Variants in MGMT observed in about 807,000 individuals in gnomAD.
MGMT encodes methylated-DNA--protein-cysteine methyltransferase.
In MGMT, 14 loss-of-function variants were observed where a neutral mutation model predicts 15.9. That is an observed-to-expected ratio of 0.88 (90% CI 0.58 to 1.37). The LOEUF (loss-of-function observed/expected upper bound fraction) is 1.37, where lower values mean the gene tolerates loss of function less well. MGMT is among the 40% of genes most tolerant of loss of function. The probability of loss-of-function intolerance (pLI) is 0.00; values close to 1 mark genes in which losing one functional copy is unlikely to be tolerated. For missense variants in MGMT, 282 were observed against 268.1 expected (o/e 1.05, Z -0.36); for synonymous variants, 130 against 118.2 (o/e 1.10, Z -0.65).
intron 2 of MGMT, among the ~76,000 whole-genome samples, chr10:129,678,355 G>A (rs1847809238): frequency 2.0e-5 from 3 of 152,008 alleles, no homozygotes. Context: ...CCGCTGCCCT[G>A]GCTGGGTTTC....
At chr10:129,644,566 G>A (rs1462387140) in intron 2 of MGMT, among the ~76,000 whole-genome samples, 1 of 152,202 alleles carries the variant, frequency 6.6e-6, no homozygotes. Context: ...CCCCCCTGAG[G>A]CCTGGTGAGA....
chr10:129,488,010 C>CATAGGT (rs1564832150), intron 1 of MGMT, among the ~76,000 whole-genome samples: 28 of 119,708 alleles, frequency 2.3e-4, no homozygotes, highest in African/African-American at 8.2e-4. Context: ...GGTATACACA[C>CATAGGT]ACACACACAC....
intron 2 of MGMT, among the ~76,000 whole-genome samples, chr10:129,684,474 C>T (rs983239694): frequency 9.2e-5 from 14 of 152,186 alleles, no homozygotes; most frequent in South Asian, 2.1e-4. Context: ...TCCACAAATA[C>T]AAATCCTCTC....
rs1848992583 is a variant in MGMT, at chr10:129,770,882, A to AT, written c.*3888dup. ...ACAGTCCAAGGCCCTGGGGTGGGGG[A>AT]TTTAAATTTTTGGCTTCCCTCAGAC... On this transcript the variant is annotated 3_prime_UTR_variant, in exon 5 of 5. Transcript: ENST00000651593. Among the ~76,000 whole-genome samples, 1 of 26,130 alleles carries AT rather than the reference A, an allele frequency of 3.8e-5. No individual in the cohort carries two copies. The highest frequency in any genetic ancestry group is 5.1e-4 in the African/African-American group (1 of 1,952). 17.1% of individuals were successfully genotyped at this position (26,130 alleles called of 152,430 possible). A position where few individuals can be genotyped will look rare whatever the true frequency, so the allele number is the denominator to read the frequency against.
At chr10:129,471,276 G>A (rs546482571) in intron 1 of MGMT, among the ~76,000 whole-genome samples, 8 of 152,326 alleles carry the variant, frequency 5.3e-5, no homozygotes, top group South Asian at 2.1e-4. Flanking sequence ...CCTTATTGAC[G>A]GATCAGGCAA....
At chr10:129,497,794 GA>G in intron 1 of MGMT, among the ~76,000 whole-genome samples, 1 of 152,202 alleles carries the variant, frequency 6.6e-6, no homozygotes, top group Non-Finnish European at 1.5e-5. Flanking sequence ...GCCTATAAAA[GA>G]GGACTGAGGG....
intron 2 of MGMT, among the ~76,000 whole-genome samples, chr10:129,682,055 A>G (rs1162592166): frequency 4.6e-5 from 7 of 152,108 alleles, no homozygotes; most frequent in Non-Finnish European, 8.8e-5. Flanking sequence ...GAGACCACAC[A>G]CTCCTACAGC....
chr10:129,734,484 T>C (rs920425071), intron 3 of MGMT, among the ~76,000 whole-genome samples: 1 of 151,592 alleles, frequency 6.6e-6, no homozygotes, highest in Non-Finnish European at 1.5e-5. Context: ...GTCTTCTGGA[T>C]ATACAATCAT....
rs74160230 is a variant in MGMT, at chr10:129,563,557, T to A, written c.125+27180T>A. Reference sequence around the variant, plus strand: ...GTTTTGTCATGAAAATTTAATTTTTTAAAAAAAATCAAAAGACCTGGATGT... The same window carrying A: ...GTTTTGTCATGAAAATTTAATTTTTAAAAAAAAATCAAAAGACCTGGATGT... On this transcript the variant is annotated intron_variant, in intron 2 of 4. Coordinates refer to ENST00000651593, the MANE Select transcript of MGMT (RefSeq NM_002412.5). 2.5e-3 allele frequency among the ~76,000 whole-genome samples: 386 copies of A among 152,166 alleles called. 3 individuals are homozygous for A. The highest frequency in any genetic ancestry group is 8.6e-3 in the African/African-American group (357 of 41,502).
intron 2 of MGMT, among the ~76,000 whole-genome samples, chr10:129,613,723 G>A (rs895871927): frequency 2.8e-4 from 42 of 152,222 alleles, no homozygotes; most frequent in African/African-American, 8.9e-4. Flanking sequence ...GGAGGCTGGT[G>A]GCGCAGGCTG....
At chr10:129,690,992 G>A (rs538201358) in intron 2 of MGMT, among the ~76,000 whole-genome samples, 1 of 152,330 alleles carries the variant, frequency 6.6e-6, no homozygotes, top group South Asian at 2.1e-4. Context: ...AGTGTGAAGA[G>A]GCCAGTTTAG....
At chr10:129,648,102 G>T (rs1847417568) in intron 2 of MGMT, among the ~76,000 whole-genome samples, 1 of 152,098 alleles carries the variant, frequency 6.6e-6, no homozygotes, top group Non-Finnish European at 1.5e-5. Flanking sequence ...TCAAAATCTA[G>T]ATAGGTAATG....
chr10:129,626,903 G>A (rs1847156127), intron 2 of MGMT, among the ~76,000 whole-genome samples: 1 of 152,236 alleles, frequency 6.6e-6, no homozygotes, highest in Non-Finnish European at 1.5e-5. Context: ...CTTCTCATCT[G>A]AGTCGGTAGC....
At chr10:129,653,752 G>A (rs769082118) in intron 2 of MGMT, among the ~76,000 whole-genome samples, 6 of 152,366 alleles carry the variant, frequency 3.9e-5, no homozygotes, top group South Asian at 2.1e-4. Flanking sequence ...CGTGGTGGCC[G>A]TCACAGCCTT....
intron 2 of MGMT, among the ~76,000 whole-genome samples, chr10:129,647,253 G>A (rs1222594813): frequency 1.4e-5 from 2 of 145,672 alleles, no homozygotes; most frequent in Non-Finnish European, 3.0e-5. Flanking sequence ...CAGCTGGGGA[G>A]GGATTCAGGG....
chr10:129,633,096 A>T (rs1211637547), intron 2 of MGMT, among the ~76,000 whole-genome samples: 2 of 152,204 alleles, frequency 1.3e-5, no homozygotes. Context: ...TGATAACAGT[A>T]AGTTGCTATC....
At chr10:129,687,752 G>A (rs978949777) in intron 2 of MGMT, among the ~76,000 whole-genome samples, 2 of 150,788 alleles carry the variant, frequency 1.3e-5, no homozygotes, top group Non-Finnish European at 2.9e-5. Context: ...CAACGTGCAG[G>A]TTTGTTACGT....
intron 3 of MGMT, among the ~76,000 whole-genome samples, chr10:129,739,830 C>T (rs1589969442): frequency 6.6e-6 from 1 of 152,008 alleles, no homozygotes; most frequent in African/African-American, 2.4e-5. Context: ...TTATATGTGG[C>T]CTAAGACAAT....
chr10:129,502,908 T>C lies in MGMT; in HGVS notation c.-12-33333T>C, dbSNP rs143305943. Among the ~76,000 whole-genome samples the C allele has an allele frequency of 6.6e-5, 10 of 152,322 alleles. No individual in the cohort carries two copies. In the East Asian group the frequency reaches 1.7e-3, roughly 26 times the overall value. On this transcript the variant is annotated intron_variant, in intron 1 of 4. Transcript: ENST00000651593. The stretch of plus-strand genomic sequence containing the variant: ...GACCCAAACAGAGCATAAAAATGCA[T>C]GTAGTCCAGAGAAGCACTTTTTCTT...
Sources: allele counts gnomAD v4.1 joint callset (sites outside exome capture counted in the v4.1 genomes callset), GRCh38; gene constraint gnomAD v4.1.1; transcripts MANE v1.5; gene names NCBI Gene and HGNC (gene_info 2026-07-23, HGNC 2026-07-21).